The following MAGI2 variants were observed in gnomAD, a reference collection of about 807,000 sequenced individuals.
MAGI2 encodes membrane associated guanylate kinase, WW and PDZ domain containing 2, also known as membrane-associated guanylate kinase, WW and PDZ domain-containing protein 2.
A neutral mutation model predicts 133.3 loss-of-function variants in MAGI2; 35 were observed. The observed-to-expected ratio is 0.26, with a 90% CI of 0.20 to 0.35. The LOEUF is 0.35. Among genes scored for constraint, MAGI2 ranks in the 10% least tolerant of loss-of-function variants. The pLI, the probability that MAGI2 is intolerant of heterozygous loss-of-function variation, is 1.00. For synonymous variants in MAGI2, 729 were observed against 710.6 expected, an observed-to-expected ratio of 1.03 and a Z score of -0.41; for missense variants, 1,636 against 1,863.4, an observed-to-expected ratio of 0.88 and a Z score of 2.25.
intron 1 of MAGI2, among the ~76,000 whole-genome samples, chr7:79,090,894 C>T (rs1816983920): frequency 6.6e-6 from 1 of 152,094 alleles, no homozygotes; most frequent in Non-Finnish European, 1.5e-5. Context: ...ACTATGACCA[C>T]TTCCGTGATT....
chr7:78,799,222 G>C (rs207468109), intron 2 of MAGI2, among the ~76,000 whole-genome samples: 1 of 152,076 alleles, frequency 6.6e-6, no homozygotes, highest in South Asian at 2.1e-4. Flanking sequence ...GATATGCTTG[G>C]TGTTGATAGC....
At chr7:78,766,327 G>T (rs1021782872) in intron 2 of MAGI2, among the ~76,000 whole-genome samples, 1 of 152,174 alleles carries the variant, frequency 6.6e-6, no homozygotes, top group Admixed American at 6.5e-5. Flanking sequence ...CTGCTTGCAG[G>T]ACTGGTGTAT....
chr7:78,913,806 AT>A (rs906198935), intron 2 of MAGI2, among the ~76,000 whole-genome samples: 2 of 152,146 alleles, frequency 1.3e-5, no homozygotes, highest in Non-Finnish European at 2.9e-5. Flanking sequence ...GACAAAGGAC[AT>A]TTTTTTAAAA....
At chr7:78,615,474 T>C (rs760445354) in intron 3 of MAGI2, 1 of 152,118 alleles carries the variant, frequency 6.6e-6, no homozygotes, top group Non-Finnish European at 1.5e-5. Flanking sequence ...GGGGCAGAAA[T>C]AGCAAGTATT....
chr7:79,136,573 A>T (rs1821596713), intron 1 of MAGI2, among the ~76,000 whole-genome samples: 1 of 152,180 alleles, frequency 6.6e-6, no homozygotes, highest in Admixed American at 6.5e-5. Flanking sequence ...CTTCTAAATA[A>T]ATCCTGACAC....
At chr7:78,966,233 A>G (rs1182880593) in intron 2 of MAGI2, among the ~76,000 whole-genome samples, 1 of 152,228 alleles carries the variant, frequency 6.6e-6, no homozygotes, top group South Asian at 2.1e-4. Context: ...TTAAGTGTGC[A>G]AGGCAGAATT....
At chr7:78,303,041 TTG>T (rs1797966024) in intron 9 of MAGI2, among the ~76,000 whole-genome samples, 1 of 152,118 alleles carries the variant, frequency 6.6e-6, no homozygotes, top group Non-Finnish European at 1.5e-5. Context: ...GAAGTGATAT[TTG>T]AACTGAGTTT....
intron 1 of MAGI2, among the ~76,000 whole-genome samples, chr7:79,069,541 C>CTG (rs1351089208): frequency 7.5e-4 from 2 of 2,670 alleles, no homozygotes; most frequent in Non-Finnish European, 1.4e-3. Context: ...TGGGTCTTGA[C>CTG]TCTATCCAAT....
chr7:79,242,682 ATGT>A (rs1337500814), intron 1 of MAGI2, among the ~76,000 whole-genome samples: 2 of 152,164 alleles, frequency 1.3e-5, no homozygotes, highest in East Asian at 3.9e-4. Context: ...CATGGTTTCC[ATGT>A]TGTTGAATTG....
chr7:78,139,485 C>T (rs553216348), intron 16 of MAGI2, among the ~76,000 whole-genome samples: 24 of 152,232 alleles, frequency 1.6e-4, no homozygotes, highest in Middle Eastern at 3.4e-3. Flanking sequence ...GCAATGCTAA[C>T]GGAATTACAG....
chr7:78,285,566 G>T (rs1796060038), intron 9 of MAGI2: 1 of 152,066 alleles, frequency 6.6e-6, no homozygotes, highest in Admixed American at 6.6e-5. Context: ...TCCTAGTTTG[G>T]GAAATGGGGA....
intron 2 of MAGI2, among the ~76,000 whole-genome samples, chr7:78,685,765 TAAAG>T (rs1380945983): frequency 6.6e-6 from 1 of 151,796 alleles, no homozygotes; most frequent in Non-Finnish European, 1.5e-5. Flanking sequence ...AAGAAGGGGA[TAAAG>T]AGAGACAAGG....
At chr7:78,708,430 C>T (rs747168384) in intron 2 of MAGI2, among the ~76,000 whole-genome samples, 4 of 152,132 alleles carry the variant, frequency 2.6e-5, no homozygotes, top group Non-Finnish European at 5.9e-5. Context: ...TTTCTGATTT[C>T]TCAGCATGAC....
At chr7:79,146,757 C>T (rs1005014258) in intron 1 of MAGI2, among the ~76,000 whole-genome samples, 2 of 152,190 alleles carry the variant, frequency 1.3e-5, no homozygotes, top group Non-Finnish European at 2.9e-5. Context: ...GTGCATTAAA[C>T]CTATTTCCTT....
intron 21 of MAGI2, among the ~76,000 whole-genome samples, chr7:78,023,012 T>C (rs1808557054): frequency 6.6e-6 from 1 of 152,206 alleles, no homozygotes; most frequent in Non-Finnish European, 1.5e-5. Flanking sequence ...AAGATGGATA[T>C]CTATATGAGT....
intron 6 of MAGI2, among the ~76,000 whole-genome samples, chr7:78,417,716 T>C (rs1295387930): frequency 6.6e-6 from 1 of 152,190 alleles, no homozygotes; most frequent in Non-Finnish European, 1.5e-5. Flanking sequence ...CAGATATTAC[T>C]GTGCTTATTT....
intron 1 of MAGI2, among the ~76,000 whole-genome samples, chr7:79,336,043 A>G (rs1840415620): frequency 1.3e-5 from 2 of 152,116 alleles, no homozygotes; most frequent in South Asian, 4.1e-4. Context: ...TCTCCAAATC[A>G]TTTAACCAAT....
chr7:78,463,608 G>A (rs2151517878), intron 6 of MAGI2, among the ~76,000 whole-genome samples: 1 of 152,308 alleles, frequency 6.6e-6, no homozygotes, highest in Admixed American at 6.5e-5. Flanking sequence ...TGGAATATAA[G>A]CGGGAGAGCA....
chr7:79,094,774 A>G (rs916123824), intron 1 of MAGI2, among the ~76,000 whole-genome samples: 1 of 152,178 alleles, frequency 6.6e-6, no homozygotes, highest in African/African-American at 2.4e-5. Context: ...AATATTTTGA[A>G]AGGAATCTTT....
Sources: allele counts gnomAD v4.1 joint callset (sites outside exome capture counted in the v4.1 genomes callset), GRCh38; gene constraint gnomAD v4.1.1; transcripts MANE v1.5; gene names NCBI Gene and HGNC (gene_info 2026-07-23, HGNC 2026-07-21).